DOCK3: variants seen among roughly 807,000 people sequenced by gnomAD.
DOCK3 encodes the protein dedicator of cytokinesis 3.
Under a neutral mutation model 265.6 loss-of-function variants are expected in DOCK3, and 60 were observed. That is an observed-to-expected ratio of 0.23 (90% CI 0.18 to 0.28). The LOEUF (loss-of-function observed/expected upper bound fraction) is 0.28. Ranked by LOEUF, DOCK3 falls within the 10% of genes least tolerant of loss-of-function variation. The pLI is 1.00. For missense variants in DOCK3, 1,981 were observed against 2,594.3 expected, an observed-to-expected ratio of 0.76 and a Z score of 5.14; for synonymous variants, 881 against 938.0, an observed-to-expected ratio of 0.94 and a Z score of 1.11.
chr3:50,752,163 T>C (rs2039860424), intron 1 of DOCK3, among the ~76,000 whole-genome samples: 1 of 152,134 alleles, frequency 6.6e-6, no homozygotes. Flanking sequence ...AAGCTTTCTT[T>C]GTAAGAAAGG....
chr3:51,190,599 T>C (rs2087883301), intron 12 of DOCK3, among the ~76,000 whole-genome samples: 1 of 152,230 alleles, frequency 6.6e-6, no homozygotes, highest in African/African-American at 2.4e-5. Context: ...GATTCTGCAA[T>C]GAACTGTGTC....
chr3:51,071,975 T>C (rs917098838), intron 6 of DOCK3, among the ~76,000 whole-genome samples: 10 of 152,202 alleles, frequency 6.6e-5, no homozygotes, highest in African/African-American at 2.4e-4. Context: ...AGGAACTCTT[T>C]TTGGTTTTTA....
At chr3:51,214,003 T>G (rs2089647704) in intron 13 of DOCK3, 119 bp from the exon 14 acceptor site, 1 of 1,396,462 alleles carries the variant, frequency 7.2e-7, no homozygotes. Context: ...CATAAAAGTT[T>G]TTCTCAAGAA....
At chr3:50,730,138 T>C (rs1190867430) in intron 1 of DOCK3, among the ~76,000 whole-genome samples, 1 of 152,134 alleles carries the variant, frequency 6.6e-6, no homozygotes, top group Non-Finnish European at 1.5e-5. Flanking sequence ...CTAACGCTTT[T>C]AAAAATATAT....
At chr3:50,866,235 C>T (rs1038393955) in intron 3 of DOCK3, among the ~76,000 whole-genome samples, 2 of 152,010 alleles carry the variant, frequency 1.3e-5, no homozygotes, top group Non-Finnish European at 2.9e-5. Context: ...ACCTGTAATC[C>T]CAGCACTTTG....
intron 12 of DOCK3, among the ~76,000 whole-genome samples, chr3:51,167,802 C>G (rs1277160124): frequency 6.6e-6 from 1 of 152,100 alleles, no homozygotes; most frequent in East Asian, 1.9e-4. Flanking sequence ...TTGTCTCCTG[C>G]TACTTTACCG....
chr3:51,336,851 C>T (rs1001576892), intron 35 of DOCK3: 3 of 456,072 alleles, frequency 6.6e-6, no homozygotes, highest in Non-Finnish European at 4.4e-6. Context: ...GTTTCAGATG[C>T]TTTATAGAAA....
intron 9 of DOCK3, among the ~76,000 whole-genome samples, chr3:51,120,991 C>A (rs536954226): frequency 6.6e-6 from 1 of 152,070 alleles, no homozygotes; most frequent in African/African-American, 2.4e-5. Flanking sequence ...GTCTCACTGG[C>A]GTTTCAGGCA....
At chr3:50,920,579 G>C (rs760017230) in intron 4 of DOCK3, among the ~76,000 whole-genome samples, 119 of 152,224 alleles carry the variant, frequency 7.8e-4, no homozygotes, top group Admixed American at 3.1e-3. Context: ...GTATTTCTGT[G>C]GGATTGGTGG....
At chr3:50,815,932 T>G (rs1484679338) in intron 2 of DOCK3, among the ~76,000 whole-genome samples, 1 of 152,190 alleles carries the variant, frequency 6.6e-6, no homozygotes, top group African/African-American at 2.4e-5. Context: ...ACTTGACTGG[T>G]TAACATCAGC....
At chr3:50,903,656 G>A (rs931051132) in intron 4 of DOCK3, among the ~76,000 whole-genome samples, 2 of 152,030 alleles carry the variant, frequency 1.3e-5, no homozygotes, top group South Asian at 2.1e-4. Flanking sequence ...CCAGATTTTG[G>A]TATCAAAATA....
chr3:51,075,273 G>A, intron 6 of DOCK3, 83 bp from the exon 7 acceptor site: 1 of 1,100,808 alleles, frequency 9.1e-7, no homozygotes, highest in Non-Finnish European at 1.3e-6. Context: ...ACAAGATGTG[G>A]CAGGTATGGG....
chr3:51,275,088 G>T lies in DOCK3; in HGVS notation c.2558G>T (p.Arg853Leu), dbSNP rs771303217. 2 of 1,613,830 alleles carry T rather than the reference G, an allele frequency of 1.2e-6. No homozygotes were observed. Among genetic ancestry groups the T allele is most frequent in the Non-Finnish European group, 1.7e-6 (2 of 1,179,858 alleles). ...GTATTTTCTCTCCCAGAATCCCGCCGCATCCTGCTTCCTGTGGTTCTCCAT... is the reference window on the plus strand; with the variant it reads ...GTATTTTCTCTCCCAGAATCCCGCCTCATCCTGCTTCCTGTGGTTCTCCAT... ...SRLFSFSESR[R>L]ILLPVVLHHI... is the part of the protein sequence containing the mutation. The change falls in exon 25 of 53, where the codon CGC becomes CTC. Residue 853 changes from arginine to leucine, a missense_variant. This residue lies in a region of DOCK3 where 1,357 missense variants were observed against 1,866.8 expected (regional missense o/e 0.73). Transcript: ENST00000266037.
At chr3:50,734,075 A>G (rs2038404626) in intron 1 of DOCK3, among the ~76,000 whole-genome samples, 1 of 152,234 alleles carries the variant, frequency 6.6e-6, no homozygotes, top group Non-Finnish European at 1.5e-5. Context: ...TAGAAAAATG[A>G]TAAGTATGTG....
At chr3:50,851,481 A>G (rs2046355004) in intron 3 of DOCK3, among the ~76,000 whole-genome samples, 2 of 152,152 alleles carry the variant, frequency 1.3e-5, no homozygotes, top group South Asian at 4.1e-4. Context: ...TTGCTGCACC[A>G]TGGTCAATGT....
At chr3:50,717,916 C>T (rs2037228127) in intron 1 of DOCK3, among the ~76,000 whole-genome samples, 1 of 152,214 alleles carries the variant, frequency 6.6e-6, no homozygotes, top group Non-Finnish European at 1.5e-5. Flanking sequence ...TGAGCCACTG[C>T]ACCTGGCCGT....
intron 5 of DOCK3, among the ~76,000 whole-genome samples, chr3:51,019,215 G>C (rs1483550316): frequency 6.6e-6 from 1 of 151,812 alleles, no homozygotes; most frequent in Non-Finnish European, 1.5e-5. Context: ...GCAAATTCAT[G>C]ACTGGATTAC....
intron 5 of DOCK3, among the ~76,000 whole-genome samples, chr3:51,043,066 A>G (rs1011107034): frequency 1.3e-5 from 2 of 152,224 alleles, no homozygotes; most frequent in Non-Finnish European, 2.9e-5. Flanking sequence ...TACCATTGAC[A>G]TTCTTTACAG....
At chr3:50,957,309 C>T (rs1172737362) in intron 5 of DOCK3, among the ~76,000 whole-genome samples, 1 of 152,142 alleles carries the variant, frequency 6.6e-6, no homozygotes, top group African/African-American at 2.4e-5. Context: ...TATTGAAGTT[C>T]ATTTGGTTTC....
Sources: allele counts gnomAD v4.1 joint callset (sites outside exome capture counted in the v4.1 genomes callset), GRCh38; gene constraint gnomAD v4.1.1; regional missense constraint gnomAD v4.1.1; transcripts MANE v1.5; gene names NCBI Gene and HGNC (gene_info 2026-07-23, HGNC 2026-07-21).